Variants in ANKRD17 observed in about 807,000 individuals in gnomAD.
ANKRD17 encodes ankyrin repeat domain 17.
Under a neutral mutation model 229.7 loss-of-function variants are expected in ANKRD17, and 19 were observed. That is an observed-to-expected ratio of 0.08 (90% CI 0.06 to 0.12). The LOEUF (loss-of-function observed/expected upper bound fraction) is 0.12, where lower values mean the gene tolerates loss of function less well. ANKRD17 is among the 10% of genes least tolerant of loss of function. ANKRD17 has a pLI of 1.00. For synonymous variants in ANKRD17, 1,112 were observed against 1,146.1 expected, an observed-to-expected ratio of 0.97 and a Z score of 0.60; for missense variants, 2,176 against 3,176.8, an observed-to-expected ratio of 0.68 and a Z score of 7.57.
At chr4:73,078,588 A>G in intron 31 of ANKRD17, 54 bp downstream of exon 31, 1 of 1,563,302 alleles carries the variant, frequency 6.4e-7, no homozygotes, top group Non-Finnish European at 8.7e-7. Flanking sequence ...TACTGTTTAC[A>G]TTATAGTTAA....
intron 22 of ANKRD17, 84 bp downstream of exon 22, chr4:73,118,604 A>G: frequency 2.0e-6 from 3 of 1,472,408 alleles, no homozygotes; most frequent in Non-Finnish European, 2.8e-6. Flanking sequence ...AAAGCACAAA[A>G]TGAGTCTTTA....
intron 1 of ANKRD17, among the ~76,000 whole-genome samples, chr4:73,185,808 A>G (rs889014216): frequency 2.6e-5 from 4 of 152,110 alleles, no homozygotes; most frequent in African/African-American, 9.6e-5. Context: ...AACATAATTG[A>G]AGGCAACAAC....
intron 1 of ANKRD17, among the ~76,000 whole-genome samples, chr4:73,219,255 T>G (rs574926388): frequency 3.1e-4 from 47 of 152,326 alleles, no homozygotes; most frequent in Admixed American, 1.0e-3. Context: ...ATGGTTACTT[T>G]AGAAATCTAT....
At chr4:73,104,794 AAG>A (rs1472563710) in intron 24 of ANKRD17, among the ~76,000 whole-genome samples, 1 of 152,098 alleles carries the variant, frequency 6.6e-6, no homozygotes, top group East Asian at 1.9e-4. Flanking sequence ...TTAAAAGAAT[AAG>A]AGTTTTAATT....
chr4:73,091,565 G>A lies in ANKRD17; in HGVS notation c.6063C>T (p.Asn2021=). Residue 2021 remains asparagine (N), a synonymous_variant, in exon 29 of 34, where the codon AAC becomes AAT. Transcript: ENST00000358602. ...TTVTTTASNN[N]TAPTNATYPM... Reference sequence around the variant, plus strand: ...GATATGTGGCATTTGTGGGTGCAGTGTTGTTGTTGCTTGCCGTGGTTGTGA... The same window carrying A: ...GATATGTGGCATTTGTGGGTGCAGTATTGTTGTTGCTTGCCGTGGTTGTGA... The A allele has an allele frequency of 6.2e-7, 1 of 1,613,818 alleles. No individual in the cohort carries two copies. Among genetic ancestry groups the A allele is most frequent in the Non-Finnish European group, 8.5e-7 (1 of 1,179,686 alleles).
chr4:73,088,519 A>G (rs554216421), intron 29 of ANKRD17, among the ~76,000 whole-genome samples: 19 of 152,224 alleles, frequency 1.2e-4, no homozygotes, highest in African/African-American at 4.6e-4. Flanking sequence ...TGAATCCCAC[A>G]CCTAGATTAT....
intron 30 of ANKRD17, among the ~76,000 whole-genome samples, chr4:73,082,624 G>A (rs937420939): frequency 2.6e-5 from 4 of 152,190 alleles, no homozygotes; most frequent in African/African-American, 9.7e-5. Context: ...TTAGTTCAGT[G>A]TTTATTAAAC....
Position 73,148,937 on chromosome 4 carries a change from T to A in ANKRD17, c.1443A>T (p.Glu481Asp). The A allele has an allele frequency of 6.2e-7, 1 of 1,613,680 alleles. No homozygotes were observed. Among genetic ancestry groups the A allele is most frequent in the Non-Finnish European group, 8.5e-7 (1 of 1,179,824 alleles). The change falls in exon 8 of 34, where the codon GAA (glutamate) becomes GAT (aspartate). Residue 481 changes from glutamate to aspartate, a missense_variant. By Grantham distance (45) the Glu-to-Asp change is conservative. Coordinates refer to ENST00000358602, the MANE Select transcript of ANKRD17 (RefSeq NM_032217.5). ...LTLAACGGHV[E>D]LAALLIERGA... ...CTCTTTCAATAAGTAAAGCCGCAAG[T>A]TCCACATGCCCACCACATGCAGCCA...
intron 1 of ANKRD17, among the ~76,000 whole-genome samples, chr4:73,234,111 T>C (rs1390229899): frequency 4.6e-5 from 7 of 152,170 alleles, no homozygotes; most frequent in Non-Finnish European, 1.0e-4. Flanking sequence ...AAAACTGTGA[T>C]ATATTTTCCA....
intron 1 of ANKRD17, among the ~76,000 whole-genome samples, chr4:73,238,336 G>A (rs188977565): frequency 6.6e-6 from 1 of 152,232 alleles, no homozygotes; most frequent in East Asian, 1.9e-4. Flanking sequence ...GTATAGGAGG[G>A]TCTAAAACAG....
chr4:73,155,109 T>C (rs898310082), intron 5 of ANKRD17, among the ~76,000 whole-genome samples: 2 of 152,092 alleles, frequency 1.3e-5, no homozygotes, highest in Admixed American at 6.5e-5. Context: ...AATATTTCCA[T>C]GAAATTTTAG....
At chr4:73,125,732 C>CAAAAAA (rs56986647) in intron 16 of ANKRD17, among the ~76,000 whole-genome samples, 1 of 68,118 alleles carries the variant, frequency 1.5e-5, no homozygotes. Context: ...GACTCCGTCT[C>CAAAAAA]AAAAAAAAAA....
intron 2 of ANKRD17, among the ~76,000 whole-genome samples, chr4:73,165,937 C>T (rs1302949645): frequency 6.6e-6 from 1 of 152,174 alleles, no homozygotes; most frequent in Non-Finnish European, 1.5e-5. Context: ...TAAATGTTCA[C>T]CCACAGCCTA....
intron 21 of ANKRD17, 130 bp from the exon 22 acceptor site, chr4:73,118,980 G>A (rs1254819659): frequency 2.2e-6 from 2 of 908,956 alleles, no homozygotes; most frequent in African/African-American, 1.8e-5. Flanking sequence ...TCCACCTCCA[G>A]GGGTCATATG....
chr4:73,242,530 C>G (rs1333421308), intron 1 of ANKRD17, among the ~76,000 whole-genome samples: 4 of 152,078 alleles, frequency 2.6e-5, no homozygotes, highest in Non-Finnish European at 5.9e-5. Flanking sequence ...ATATATTTCT[C>G]TCCAAAATTA....
At chr4:73,177,584 G>A in intron 1 of ANKRD17, 51 bp from the exon 2 acceptor site, 2 of 1,368,686 alleles carry the variant, frequency 1.5e-6, no homozygotes, top group South Asian at 1.2e-5. Flanking sequence ...AACAGCGAAA[G>A]GAAAAGAGGG....
intron 1 of ANKRD17, among the ~76,000 whole-genome samples, chr4:73,240,389 C>T (rs1159699545): frequency 6.8e-6 from 1 of 147,122 alleles, no homozygotes; most frequent in African/African-American, 2.5e-5. Context: ...TTTGAGAGGC[C>T]AAGGCAGGAG....
intron 1 of ANKRD17, among the ~76,000 whole-genome samples, chr4:73,199,177 A>C (rs903302140): frequency 6.6e-6 from 1 of 151,744 alleles, no homozygotes; most frequent in Admixed American, 6.6e-5. Flanking sequence ...TTCATGGCTA[A>C]TCAGAACTGC....
intron 16 of ANKRD17, among the ~76,000 whole-genome samples, chr4:73,134,732 C>T (rs532371431): frequency 2.2e-4 from 34 of 152,198 alleles, no homozygotes; most frequent in Admixed American, 6.5e-4. Context: ...GTATGACATA[C>T]AAAAATATAA....
Sources: allele counts gnomAD v4.1 joint callset (sites outside exome capture counted in the v4.1 genomes callset), GRCh38; gene constraint gnomAD v4.1.1; transcripts MANE v1.5; gene names NCBI Gene and HGNC (gene_info 2026-07-23, HGNC 2026-07-21).